Variants in DSCAML1 observed in about 807,000 individuals in gnomAD.
DSCAML1 encodes cell adhesion molecule DSCAML1.
DSCAML1 carries 38 observed loss-of-function variants against 200.5 expected under a neutral mutation model. The observed-to-expected ratio is 0.19, with a 90% CI of 0.15 to 0.25. The LOEUF is 0.25. DSCAML1 is among the 10% of genes least tolerant of loss of function. The pLI is 1.00. For synonymous variants in DSCAML1, 1,215 were observed against 1,165.0 expected (o/e 1.04, Z -0.87); for missense variants, 2,223 against 2,858.8 (o/e 0.78, Z 5.07).
intron 3 of DSCAML1, among the ~76,000 whole-genome samples, chr11:117,647,178 G>A (rs1006116974): frequency 6.6e-6 from 1 of 152,246 alleles, no homozygotes; most frequent in Non-Finnish European, 1.5e-5. Context: ...TGAGGCAAGA[G>A]TCCAAGTGAC....
intron 3 of DSCAML1, among the ~76,000 whole-genome samples, chr11:117,578,024 C>A (rs1192138454): frequency 6.6e-6 from 1 of 151,616 alleles, no homozygotes; most frequent in Non-Finnish European, 1.5e-5. Context: ...CACCTGAGGT[C>A]AGGAGTCCGA....
At chr11:117,643,970 G>C (rs936044567) in intron 3 of DSCAML1, among the ~76,000 whole-genome samples, 1 of 152,230 alleles carries the variant, frequency 6.6e-6, no homozygotes, top group Admixed American at 6.5e-5. Context: ...TTGAGGTAGG[G>C]GGCATGGAGA....
At chr11:117,696,780 T>C (rs963272691) in intron 3 of DSCAML1, among the ~76,000 whole-genome samples, 2 of 152,176 alleles carry the variant, frequency 1.3e-5, no homozygotes, top group African/African-American at 4.8e-5. Context: ...AATGCTAATC[T>C]CCCATAGTTA....
intron 3 of DSCAML1, among the ~76,000 whole-genome samples, chr11:117,587,857 C>A (rs2051180740): frequency 6.6e-6 from 1 of 152,148 alleles, no homozygotes; most frequent in African/African-American, 2.4e-5. Flanking sequence ...GTGGGGAGAG[C>A]TGTGTTCTGA....
At chr11:117,762,347 G>A (rs949838984) in intron 3 of DSCAML1, among the ~76,000 whole-genome samples, 4 of 152,134 alleles carry the variant, frequency 2.6e-5, no homozygotes, top group Non-Finnish European at 5.9e-5. Context: ...ATATGAGGTT[G>A]TGTCTGTGAC....
intron 3 of DSCAML1, among the ~76,000 whole-genome samples, chr11:117,581,167 T>G (rs2051031456): frequency 6.6e-6 from 1 of 152,220 alleles, no homozygotes; most frequent in African/African-American, 2.4e-5. Flanking sequence ...CTGTGCACTT[T>G]GAGGCAGGAA....
chr11:117,711,813 A>C (rs1359721047), intron 3 of DSCAML1, among the ~76,000 whole-genome samples: 12 of 152,178 alleles, frequency 7.9e-5, no homozygotes, highest in Admixed American at 7.9e-4. Context: ...GATTCATTTC[A>C]AATAAGAGGG....
chr11:117,735,369 T>C lies in DSCAML1; in HGVS notation c.511+41422A>G, dbSNP rs572517677. ...CCAAATCTCACAGGGCATGTATTAC[T>C]ATCCTCATTTTACAGATGAGAAAAC... On this transcript the variant is annotated intron_variant, in intron 3 of 32. Transcript: ENST00000651296. 7.2e-5 allele frequency among the ~76,000 whole-genome samples: 11 copies of C among 152,310 alleles called. No homozygotes were observed. In the East Asian group the frequency reaches 1.9e-3, roughly 27 times the overall value.
intron 1 of DSCAML1, among the ~76,000 whole-genome samples, chr11:117,796,592 G>A (rs1394677122): frequency 2.0e-5 from 3 of 152,264 alleles, no homozygotes; most frequent in Non-Finnish European, 2.9e-5. Flanking sequence ...CGGACATAGC[G>A]GAGGAATCAG....
At chr11:117,769,561 TTA>T (rs2055001827) in intron 3 of DSCAML1, among the ~76,000 whole-genome samples, 2 of 103,956 alleles carry the variant, frequency 1.9e-5, no homozygotes, top group Admixed American at 1.3e-4. Flanking sequence ...TATATATATT[TTA>T]TATATATTAT....
intron 3 of DSCAML1, among the ~76,000 whole-genome samples, chr11:117,600,388 G>T (rs984615385): frequency 6.6e-6 from 1 of 152,112 alleles, no homozygotes; most frequent in Non-Finnish European, 1.5e-5. Context: ...AGGGATTTAC[G>T]GTTGTAGAGC....
chr11:117,690,024 G>A (rs755195653), intron 3 of DSCAML1, among the ~76,000 whole-genome samples: 32 of 152,090 alleles, frequency 2.1e-4, no homozygotes, highest in South Asian at 2.1e-4. Flanking sequence ...TCATCAAGCC[G>A]CCAGCATGCT....
chr11:117,725,431 G>A (rs1275093630), intron 3 of DSCAML1, among the ~76,000 whole-genome samples: 2 of 152,136 alleles, frequency 1.3e-5, no homozygotes, highest in African/African-American at 2.4e-5. Context: ...TCTGCCCTCC[G>A]ACCCTCCTGC....
intron 11 of DSCAML1, among the ~76,000 whole-genome samples, chr11:117,490,732 A>G (rs10790190): frequency 0.13 from 20,168 of 152,190 alleles, 2,382 homozygotes; most frequent in African/African-American, 0.3. Context: ...AGGAGACTGA[A>G]CCCCAAGTCC....
intron 3 of DSCAML1, among the ~76,000 whole-genome samples, chr11:117,553,118 G>C (rs1291477460): frequency 2.0e-5 from 3 of 152,184 alleles, no homozygotes; most frequent in African/African-American, 7.2e-5. Context: ...TCTTCAAACA[G>C]AAAGGACAGA....
intron 8 of DSCAML1, among the ~76,000 whole-genome samples, chr11:117,512,621 A>G (rs1278988226): frequency 6.8e-6 from 1 of 148,140 alleles, no homozygotes; most frequent in East Asian, 2.1e-4. Context: ...GGGAAGGGGG[A>G]AGGTGTGCAT....
chr11:117,629,225 A>C (rs1336883073), intron 3 of DSCAML1, among the ~76,000 whole-genome samples: 2 of 152,158 alleles, frequency 1.3e-5, no homozygotes, highest in African/African-American at 4.8e-5. Flanking sequence ...TACGCTCTCT[A>C]TGATATGTCA....
At chr11:117,499,646 A>G (rs982740471) in intron 11 of DSCAML1, among the ~76,000 whole-genome samples, 1 of 152,194 alleles carries the variant, frequency 6.6e-6, no homozygotes, top group African/African-American at 2.4e-5. Flanking sequence ...CTCACAAGCA[A>G]GGTATGGGAA....
chr11:117,556,856 C>T (rs1179697420), intron 3 of DSCAML1, among the ~76,000 whole-genome samples: 5 of 152,218 alleles, frequency 3.3e-5, no homozygotes, highest in South Asian at 2.1e-4. Flanking sequence ...GAAGCTTCAC[C>T]GCCGACATGC....
Sources: allele counts gnomAD v4.1 joint callset (sites outside exome capture counted in the v4.1 genomes callset), GRCh38; gene constraint gnomAD v4.1.1; transcripts MANE v1.5; gene names NCBI Gene and HGNC (gene_info 2026-07-23, HGNC 2026-07-21).